The following TANC1 variants were observed in gnomAD, a reference collection of about 807,000 sequenced individuals.
TANC1 encodes protein TANC1.
Under a neutral mutation model 149.7 loss-of-function variants are expected in TANC1, and 77 were observed. That is an observed-to-expected ratio of 0.51 (90% CI 0.43 to 0.62). The LOEUF (loss-of-function observed/expected upper bound fraction) is 0.62. TANC1 is among the 20% of genes least tolerant of loss of function. TANC1 has a pLI of 0.00. For missense variants in TANC1, 1,985 were observed against 2,321.8 expected, an observed-to-expected ratio of 0.85 and a Z score of 2.98; for synonymous variants, 854 against 925.0, an observed-to-expected ratio of 0.92 and a Z score of 1.39.
intron 1 of TANC1, among the ~76,000 whole-genome samples, chr2:158,988,030 C>G (rs1267235229): frequency 1.3e-5 from 2 of 151,978 alleles, no homozygotes; most frequent in Admixed American, 1.3e-4. Context: ...TGATGGTTAT[C>G]AAGAAAAAGT....
At chr2:159,107,447 A>G (rs936276236) in intron 4 of TANC1, among the ~76,000 whole-genome samples, 6 of 152,222 alleles carry the variant, frequency 3.9e-5, no homozygotes, top group Non-Finnish European at 8.8e-5. Flanking sequence ...ATAAAGATAC[A>G]TATCCCTGTT....
Position 159,166,126 on chromosome 2 carries a change from A to G in TANC1, c.946+2580A>G, listed in dbSNP as rs546802674. Among the ~76,000 whole-genome samples, 3 of 152,338 alleles carry G rather than the reference A, an allele frequency of 2.0e-5. No individual in the cohort carries two copies. The East Asian group carries it at 5.8e-4, about 29-fold the overall frequency. On this transcript the variant is annotated intron_variant, in intron 8 of 26. Coordinates refer to ENST00000263635, the MANE Select transcript of TANC1 (RefSeq NM_033394.3). ...ACATGGACACCTCTTTCCTTTATTA[A>G]AAACAGACCTAGAAGCCTTTAAAGG...
chr2:159,150,777 T>TAAAAA, intron 7 of TANC1: 1 of 362,196 alleles, frequency 2.8e-6, no homozygotes, highest in East Asian at 5.2e-5. Context: ...GCTCATTTGT[T>TAAAAA]AAAAAAAAAA....
intron 1 of TANC1, among the ~76,000 whole-genome samples, chr2:159,000,842 T>C (rs2036560852): frequency 6.6e-6 from 1 of 152,130 alleles, no homozygotes; most frequent in Non-Finnish European, 1.5e-5. Flanking sequence ...GGATCAGAGC[T>C]TAAGTGCAGG....
intron 4 of TANC1, among the ~76,000 whole-genome samples, chr2:159,108,417 C>T (rs2047399203): frequency 6.6e-6 from 1 of 152,206 alleles, no homozygotes. Context: ...GTCAGCTGCA[C>T]CCTGTGGTGG....
chr2:158,977,747 G>A (rs1397900671), intron 1 of TANC1, among the ~76,000 whole-genome samples: 1 of 152,014 alleles, frequency 6.6e-6, no homozygotes, highest in Non-Finnish European at 1.5e-5. Context: ...ACAGATAAGA[G>A]TAGTAGCTGT....
At chr2:159,083,070 T>C (rs2044446534) in intron 3 of TANC1, among the ~76,000 whole-genome samples, 1 of 152,168 alleles carries the variant, frequency 6.6e-6, no homozygotes, top group Non-Finnish European at 1.5e-5. Context: ...TTCATCTTCC[T>C]GAGTAGCTGG....
rs575254729 is a variant in TANC1, at chr2:158,990,901, C to T, written c.-125-10179C>T. On this transcript the variant is annotated intron_variant, in intron 1 of 26. Transcript: ENST00000263635. ...CAGCCTGGGCAACATGGCAAACCCT[C>T]GTCTCTACAAAAAATACAAAAATTA... Among the ~76,000 whole-genome samples, 44 of 151,668 alleles carry T rather than the reference C, an allele frequency of 2.9e-4. No homozygotes were observed. The East Asian group carries it at 7.9e-3, about 27-fold the overall frequency.
intron 16 of TANC1, among the ~76,000 whole-genome samples, chr2:159,193,100 A>G (rs2057576592): frequency 6.6e-6 from 1 of 152,250 alleles, no homozygotes; most frequent in Non-Finnish European, 1.5e-5. Context: ...TTGCAGAATC[A>G]AAACTCTATA....
intron 5 of TANC1, among the ~76,000 whole-genome samples, chr2:159,140,366 A>G (rs770151425): frequency 9.2e-5 from 14 of 152,152 alleles, no homozygotes; most frequent in Non-Finnish European, 1.8e-4. Context: ...CATTCAACCA[A>G]TGGTTGAATG....
chr2:159,187,058 C>G, intron 16 of TANC1, 34 bp downstream of exon 16: 1 of 1,609,594 alleles, frequency 6.2e-7, no homozygotes. Context: ...GCCGGAGACC[C>G]AGCCCTGGCC....
At chr2:159,042,184 T>TAGG (rs1553524451) in intron 2 of TANC1, among the ~76,000 whole-genome samples, 1 of 152,092 alleles carries the variant, frequency 6.6e-6, no homozygotes, top group Non-Finnish European at 1.5e-5. Flanking sequence ...TAAACAGACT[T>TAGG]AGGAGGAGGA....
chr2:159,044,242 G>A (rs1046679899), intron 2 of TANC1, among the ~76,000 whole-genome samples: 1 of 151,972 alleles, frequency 6.6e-6, no homozygotes, highest in Admixed American at 6.6e-5. Context: ...CCTGGGCAAC[G>A]CAGCGAGACC....
At chr2:159,048,588 A>G (rs1047571981) in intron 2 of TANC1, among the ~76,000 whole-genome samples, 8 of 152,204 alleles carry the variant, frequency 5.3e-5, no homozygotes, top group African/African-American at 1.9e-4. Flanking sequence ...ATAAACGACA[A>G]TGTGAACATA....
chr2:159,228,935 T>C (rs1461407226), intron 26 of TANC1, 39 bp downstream of exon 26: 2 of 1,526,256 alleles, frequency 1.3e-6, no homozygotes, highest in Non-Finnish European at 1.8e-6. Flanking sequence ...GAGCTTTTTT[T>C]CTTGTGGGAT....
At chr2:159,217,347 G>T in intron 19 of TANC1, 150 bp from the exon 20 acceptor site, 3 of 961,752 alleles carry the variant, frequency 3.1e-6, no homozygotes, top group Non-Finnish European at 4.8e-6. Flanking sequence ...GTGTTCTGTT[G>T]GTCAAAGCTG....
intron 24 of TANC1, chr2:159,227,589 T>G (rs1339136934): frequency 1.9e-6 from 1 of 522,110 alleles, no homozygotes; most frequent in East Asian, 3.3e-5. Context: ...AAAACCAGCT[T>G]CTTTCTCACT....
At chr2:159,150,296 A>G in intron 6 of TANC1, 74 bp from the exon 7 acceptor site, 1 of 1,254,494 alleles carries the variant, frequency 8.0e-7, no homozygotes, top group Non-Finnish European at 1.1e-6. Context: ...TTATTGTTTT[A>G]GCACAAAAAC....
At chr2:159,194,600 A>G in intron 17 of TANC1, 107 bp downstream of exon 17, 1 of 1,005,964 alleles carries the variant, frequency 9.9e-7, no homozygotes, top group East Asian at 2.4e-5. Flanking sequence ...AAACCACAGC[A>G]TACACAGAAA....
Sources: gnomAD v4.1 joint callset for allele counts (sites outside exome capture counted in the v4.1 genomes callset) on GRCh38, gnomAD v4.1.1 for gene constraint, MANE v1.5 for transcripts, NCBI Gene and HGNC (gene_info 2026-07-23, HGNC 2026-07-21) for gene names.